KIDINS220: variants seen among roughly 807,000 people sequenced by gnomAD.
KIDINS220 encodes kinase D-interacting substrate of 220 kDa.
A neutral mutation model predicts 157.6 loss-of-function variants in KIDINS220; 63 were observed. The observed-to-expected ratio is 0.40, with a 90% CI of 0.33 to 0.49. The LOEUF (loss-of-function observed/expected upper bound fraction) is 0.49, where lower values mean the gene tolerates loss of function less well. Ranked by LOEUF, KIDINS220 falls within the 20% of genes least tolerant of loss-of-function variation. The pLI is 0.66. For synonymous variants in KIDINS220, 732 were observed against 783.6 expected (o/e 0.93, Z 1.10); for missense variants, 1,772 against 2,171.2 (o/e 0.82, Z 3.65).
intron 22 of KIDINS220, among the ~76,000 whole-genome samples, chr2:8,765,271 T>C (rs1669321402): frequency 6.6e-6 from 1 of 152,218 alleles, no homozygotes; most frequent in Non-Finnish European, 1.5e-5. Context: ...TTGCACTTTA[T>C]ACTATCTATA....
chr2:8,753,674 C>T (rs946298904), intron 22 of KIDINS220, among the ~76,000 whole-genome samples: 8 of 152,144 alleles, frequency 5.3e-5, no homozygotes, highest in Non-Finnish European at 1.0e-4. Context: ...AAGATTTTCA[C>T]GCCCTTCAAA....
intron 4 of KIDINS220, among the ~76,000 whole-genome samples, chr2:8,814,536 T>C (rs2148383345): frequency 6.6e-6 from 1 of 152,264 alleles, no homozygotes; most frequent in Admixed American, 6.5e-5. Context: ...TAGGCACTCT[T>C]CCTTACAGAA....
At chr2:8,792,459 A>T (rs763760655) in intron 12 of KIDINS220, among the ~76,000 whole-genome samples, 31 of 152,264 alleles carry the variant, frequency 2.0e-4, no homozygotes, top group Non-Finnish European at 4.1e-4. Flanking sequence ...ACTGGCAAGA[A>T]TACAAATAGC....
chr2:8,736,706 T>C (rs991191940), intron 27 of KIDINS220, among the ~76,000 whole-genome samples, 162 bp downstream of exon 27: 4 of 152,352 alleles, frequency 2.6e-5, no homozygotes, highest in African/African-American at 7.2e-5. Flanking sequence ...CAGGGCAATT[T>C]TAGAATACAA....
In KIDINS220 at chr2:8,731,779, A is replaced by T; in HGVS notation, c.4257T>A (p.Gly1419=). Residue 1419 remains glycine (G), a synonymous_variant, in exon 30 of 30, where the codon GGT becomes GGA. Coordinates refer to ENST00000256707, the MANE Select transcript of KIDINS220 (RefSeq NM_020738.4). The surrounding 1 kb of genome is among the most constrained non-coding windows in gnomAD (Gnocchi z 5.2). ...RSSPHSTYYM[G]QSSSGGSIHS... ...GAATAGAGCCCCCTGATGAACTCTG[A>T]CCCATGTAATATGTGCTATGTGGAG... 1 of 1,614,016 alleles carries T rather than the reference A, an allele frequency of 6.2e-7. No individual in the cohort carries two copies. The highest frequency in any genetic ancestry group is 1.3e-5 in the African/African-American group (1 of 74,978).
chr2:8,754,893 C>T (rs1426793013), intron 22 of KIDINS220, among the ~76,000 whole-genome samples: 3 of 152,158 alleles, frequency 2.0e-5, no homozygotes, highest in African/African-American at 7.2e-5. Flanking sequence ...AAATAAGACA[C>T]AATTTGTTTA....
At chr2:8,773,944 G>A (rs1670581445) in intron 21 of KIDINS220, among the ~76,000 whole-genome samples, 1 of 152,122 alleles carries the variant, frequency 6.6e-6, no homozygotes, top group Non-Finnish European at 1.5e-5. Flanking sequence ...ACTTCATTCA[G>A]GTCTCTTAGT....
intron 26 of KIDINS220, among the ~76,000 whole-genome samples, chr2:8,742,120 G>A (rs570635139): frequency 5.9e-4 from 90 of 152,148 alleles, no homozygotes; most frequent in African/African-American, 2.1e-3. Flanking sequence ...GTCCACAGGT[G>A]AGCCCCACTT....
chr2:8,763,137 T>C (rs1274468304), intron 22 of KIDINS220, among the ~76,000 whole-genome samples: 1 of 152,226 alleles, frequency 6.6e-6, no homozygotes, highest in Non-Finnish European at 1.5e-5. Context: ...TATTTAGTTC[T>C]ATATTTCTGG....
intron 13 of KIDINS220, among the ~76,000 whole-genome samples, chr2:8,790,327 T>C (rs1425405276): frequency 1.3e-5 from 2 of 152,184 alleles, no homozygotes; most frequent in African/African-American, 4.8e-5. Context: ...TATACTCCCA[T>C]CTGTCAAGAT....
Position 8,729,523 on chromosome 2 carries a change from A to G in KIDINS220, c.*1197T>C, listed in dbSNP as rs1663735723. 4 of 983,616 alleles carry G rather than the reference A, an allele frequency of 4.1e-6. No individual in the cohort carries two copies. The highest frequency in any genetic ancestry group is 4.7e-5 in the South Asian group (1 of 21,260). The allele number at this position is 983,616 out of a possible 1,614,324, so 60.9% of individuals were successfully genotyped here. A position where few individuals can be genotyped will look rare whatever the true frequency, so the allele number is the denominator to read the frequency against. ...GTCCACACAGTACTTCAATGTGACC[A>G]TTCTCTTAACTCGGCTAATAATTAA... is the stretch of plus-strand genomic sequence containing the variant. On this transcript the variant is annotated 3_prime_UTR_variant, in exon 30 of 30. Coordinates refer to ENST00000256707, the MANE Select transcript of KIDINS220 (RefSeq NM_020738.4).
At chr2:8,790,593 A>G (rs1256390495) in intron 13 of KIDINS220, among the ~76,000 whole-genome samples, 1 of 152,186 alleles carries the variant, frequency 6.6e-6, no homozygotes, top group Admixed American at 6.5e-5. Flanking sequence ...AAAATTTTAT[A>G]GGCAATACTG....
intron 6 of KIDINS220, among the ~76,000 whole-genome samples, chr2:8,810,666 A>T (rs569445604): frequency 6.6e-6 from 1 of 152,106 alleles, no homozygotes; most frequent in Non-Finnish European, 1.5e-5. Context: ...CGCACCTGTA[A>T]TCCCAGCTAC....
chr2:8,778,093 T>C (rs1254188500), intron 20 of KIDINS220, among the ~76,000 whole-genome samples: 1 of 152,162 alleles, frequency 6.6e-6, no homozygotes, highest in East Asian at 1.9e-4. Flanking sequence ...CATACAGACA[T>C]ATACACAGCA....
intron 17 of KIDINS220, among the ~76,000 whole-genome samples, chr2:8,784,915 TTTTC>T (rs539721138): frequency 1.3e-5 from 2 of 151,740 alleles, no homozygotes; most frequent in Non-Finnish European, 2.9e-5. Flanking sequence ...CCCAAAGGAG[TTTTC>T]AAATCCTTTA....
At chr2:8,743,899 C>T (rs1302807338) in intron 26 of KIDINS220, among the ~76,000 whole-genome samples, 1 of 151,980 alleles carries the variant, frequency 6.6e-6, no homozygotes, top group East Asian at 1.9e-4. Flanking sequence ...CCCTAATATT[C>T]TGGGAAGCAT....
chr2:8,832,020 C>A (rs560818264), intron 1 of KIDINS220, among the ~76,000 whole-genome samples: 368 of 152,312 alleles, frequency 2.4e-3, no homozygotes, highest in African/African-American at 8.6e-3. Context: ...ATACCTCTTG[C>A]CTTTTCGTTA....
rs112382886 is a variant in KIDINS220 at position 8,810,276 on chromosome 2, A to T, written c.504+2119T>A. ...GGCCCACTTATCTCCCTGCTTCTCTAAACAGAGATCATTTTTTCTTTGTTT... is the reference window on the plus strand; with the variant it reads ...GGCCCACTTATCTCCCTGCTTCTCTTAACAGAGATCATTTTTTCTTTGTTT... On this transcript the variant is annotated intron_variant, in intron 6 of 29. Transcript: ENST00000256707. Among the ~76,000 whole-genome samples, 88 of 152,262 alleles carry T rather than the reference A, an allele frequency of 5.8e-4. 1 individual carries two copies. The highest frequency in any genetic ancestry group is 1.5e-3 in the African/African-American group (62 of 41,548).
intron 21 of KIDINS220, among the ~76,000 whole-genome samples, chr2:8,774,096 G>A (rs1670615140): frequency 1.3e-5 from 2 of 151,780 alleles, no homozygotes; most frequent in South Asian, 4.2e-4. Context: ...AGGAGTTCAA[G>A]ACCAGCCTGA....
Sources: allele counts gnomAD v4.1 joint callset (sites outside exome capture counted in the v4.1 genomes callset), GRCh38; gene constraint gnomAD v4.1.1; non-coding constraint Gnocchi (gnomAD v3.1); transcripts MANE v1.5; gene names NCBI Gene and HGNC (gene_info 2026-07-23, HGNC 2026-07-21).